Variants in HOXC4 observed in about 807,000 individuals in gnomAD.
The protein encoded by HOXC4 is homeobox C4, also known as homeobox protein Hox-C4.
HOXC4 carries 15 observed loss-of-function variants against 25.5 expected under a neutral mutation model. The ratio of observed to expected loss-of-function variants is 0.59; its 90% CI spans 0.39 to 0.91. HOXC4 has a LOEUF of 0.91. Ranked by LOEUF, HOXC4 falls within the 40% of genes least tolerant of loss-of-function variation. The probability of loss-of-function intolerance (pLI) is 0.00; values close to 1 mark genes in which losing one functional copy is unlikely to be tolerated. For missense variants in HOXC4, 342 were observed against 352.4 expected (o/e 0.97, Z 0.24); for synonymous variants, 165 against 148.0 (o/e 1.11, Z -0.83).
intron 1 of HOXC4, among the ~76,000 whole-genome samples, chr12:54,026,108 C>A (rs751139659): frequency 3.9e-5 from 6 of 152,288 alleles, no homozygotes; most frequent in Non-Finnish European, 7.4e-5. Flanking sequence ...CTCTAGCAAT[C>A]TCTCTCTGAA....
intron 1 of HOXC4, among the ~76,000 whole-genome samples, chr12:54,040,107 G>A (rs1275559823): frequency 6.6e-6 from 1 of 152,082 alleles, no homozygotes; most frequent in Non-Finnish European, 1.5e-5. Context: ...CAGGGCAAAC[G>A]CAAAGGAGGC....
At chr12:54,047,406 G>A (rs1457903404) in intron 1 of HOXC4, among the ~76,000 whole-genome samples, 1 of 152,248 alleles carries the variant, frequency 6.6e-6, no homozygotes, top group Non-Finnish European at 1.5e-5. Context: ...CATTTCGTTG[G>A]AATGTAGGGC....
intron 1 of HOXC4, 82 bp from the exon 2 acceptor site, chr12:54,054,768 C>A: frequency 1.1e-6 from 1 of 899,772 alleles, no homozygotes; most frequent in Non-Finnish European, 1.7e-6. Context: ...TCCTGTTTCT[C>A]AGAGCTGAGG....
intron 1 of HOXC4, among the ~76,000 whole-genome samples, chr12:54,039,763 G>A (rs1188444893): frequency 6.6e-6 from 1 of 151,972 alleles, no homozygotes; most frequent in Admixed American, 6.6e-5. Context: ...AGGGCTCTAG[G>A]GAGCGAGTGC....
intron 1 of HOXC4, chr12:54,028,874 C>T (rs1231125432): frequency 6.2e-7 from 1 of 1,613,588 alleles, no homozygotes; most frequent in Non-Finnish European, 8.5e-7. Context: ...GACCAGAAAG[C>T]CAGTATCCAG....
rs1940742585 is a variant in HOXC4, at chr12:54,026,974, G to GC, written c.-124+9560_-124+9561insC. On this transcript the variant is annotated intron_variant, in intron 1 of 3. Coordinates refer to the HOXC4 transcript ENST00000303406. The stretch of plus-strand genomic sequence containing the variant: ...CCCACCCAAAAATGGTGGGGGGGGG[G>GC]GGATATGAGCTTTCTCTGCTCCCCG... Among the ~76,000 whole-genome samples, 3 of 132,822 alleles carry GC rather than the reference G, an allele frequency of 2.3e-5. 1 individual carries two copies. The highest frequency in any genetic ancestry group is 4.8e-5 in the Non-Finnish European group (3 of 61,986). The allele number at this position is 132,822 out of a possible 152,430, so 87.1% of individuals were successfully genotyped here.
intron 1 of HOXC4, chr12:54,033,656 C>G: frequency 5.7e-6 from 7 of 1,225,478 alleles, no homozygotes; most frequent in Non-Finnish European, 7.7e-6. Context: ...AGAAAAAAAA[C>G]CTGCGGCCAT....
chr12:54,029,026 A>ACAATCAC, intron 1 of HOXC4: 1 of 1,117,538 alleles, frequency 8.9e-7, no homozygotes, highest in Non-Finnish European at 1.3e-6. Context: ...CCCCATAAAA[A>ACAATCAC]CAATCACGCT....
At chr12:54,029,599 T>C (rs1415655160) in intron 1 of HOXC4, 4 of 1,558,092 alleles carry the variant, frequency 2.6e-6, no homozygotes, top group Non-Finnish European at 3.5e-6. Context: ...GGCGAAACAG[T>C]CTGCAGAGGA....
At chr12:54,034,171 G>A in intron 1 of HOXC4, 1 of 1,106,400 alleles carries the variant, frequency 9.0e-7, no homozygotes, top group Admixed American at 1.7e-5. Context: ...TGCGGCTCTC[G>A]CCTCCTCTCC....
intron 1 of HOXC4, among the ~76,000 whole-genome samples, chr12:54,038,575 G>T (rs925119102): frequency 1.3e-5 from 2 of 152,156 alleles, no homozygotes; most frequent in African/African-American, 4.8e-5. Flanking sequence ...GTCCCAGAGT[G>T]CCCCCTCCCT....
intron 1 of HOXC4, among the ~76,000 whole-genome samples, chr12:54,045,417 C>T (rs975592387): frequency 6.6e-6 from 1 of 152,146 alleles, no homozygotes; most frequent in African/African-American, 2.4e-5. Context: ...CTTGAAACAC[C>T]TAAGTGAATA....
At chr12:54,023,887 A>G (rs1306415649) in intron 1 of HOXC4, among the ~76,000 whole-genome samples, 4 of 152,218 alleles carry the variant, frequency 2.6e-5, no homozygotes, top group Non-Finnish European at 4.4e-5. Context: ...CCCAAACAGC[A>G]TTCCCTGCAT....
rs907588838 is a variant in HOXC4, at chr12:54,055,223, T to G, written c.*18T>G. 16 of 1,358,886 alleles carry G rather than the reference T, an allele frequency of 1.2e-5. No homozygotes were observed. The Admixed American group carries it at 3.0e-4, about 26-fold the overall frequency. The allele number at this position is 1,358,886 out of a possible 1,614,324, so 84.2% of individuals were successfully genotyped here. The stretch of plus-strand genomic sequence containing the variant: ...GGTTATAAAACATAACTCACACCCC[T>G]GCCCCCACCCCATGCCCCCACCCTC... On this transcript the variant is annotated 3_prime_UTR_variant, in exon 2 of 2. Coordinates refer to ENST00000430889, the MANE Select transcript of HOXC4 (RefSeq NM_153633.3).
At chr12:54,034,520 G>C (rs1356345090) in intron 1 of HOXC4, 1 of 1,581,486 alleles carries the variant, frequency 6.3e-7, no homozygotes, top group African/African-American at 1.3e-5. Context: ...CGCAGAGCGC[G>C]CCCCTAGCCG....
intron 1 of HOXC4, chr12:54,028,403 T>C (rs1940825061): frequency 1.7e-6 from 2 of 1,167,486 alleles, no homozygotes; most frequent in South Asian, 3.3e-5. Context: ...GTCAGCTGAC[T>C]TTGTCATTTT....
chr12:54,039,764 G>A (rs1442807814), intron 1 of HOXC4, among the ~76,000 whole-genome samples: 1 of 151,940 alleles, frequency 6.6e-6, no homozygotes, highest in Non-Finnish European at 1.5e-5. Context: ...GGGCTCTAGG[G>A]AGCGAGTGCA....
chr12:54,034,381 A>G (rs755916165), intron 1 of HOXC4: 3 of 1,613,976 alleles, frequency 1.9e-6, no homozygotes, highest in African/African-American at 1.3e-5. Context: ...GCAGGCGCAT[A>G]GAGATCGCCA....
intron 1 of HOXC4, among the ~76,000 whole-genome samples, chr12:54,044,376 C>T (rs1450495843): frequency 6.6e-6 from 1 of 152,020 alleles, no homozygotes; most frequent in East Asian, 1.9e-4. Context: ...AAAAATAATG[C>T]AACGTTTCAT....
Sources: allele counts gnomAD v4.1 joint callset (sites outside exome capture counted in the v4.1 genomes callset), GRCh38; gene constraint gnomAD v4.1.1; transcripts MANE v1.5; gene names NCBI Gene and HGNC (gene_info 2026-07-23, HGNC 2026-07-21).